Variants in SLC25A48 observed in about 807,000 individuals in gnomAD.
SLC25A48 encodes solute carrier family 25 member 48.
SLC25A48 carries 29 observed loss-of-function variants against 32.2 expected under a neutral mutation model. The observed-to-expected ratio is 0.90, with a 90% CI of 0.67 to 1.23. The LOEUF (loss-of-function observed/expected upper bound fraction) is 1.23. Ranked by LOEUF, SLC25A48 falls within the 50% of genes most tolerant of loss-of-function variation. SLC25A48 has a pLI of 0.00. For missense variants in SLC25A48, 399 were observed against 422.7 expected, an observed-to-expected ratio of 0.94 and a Z score of 0.49; for synonymous variants, 164 against 172.3, an observed-to-expected ratio of 0.95 and a Z score of 0.38.
At chr5:135,652,607 A>G (rs1753142996) in intron 3 of SLC25A48, 1 of 363,390 alleles carries the variant, frequency 2.8e-6, no homozygotes, top group Non-Finnish European at 5.4e-6. Context: ...TTTGGGATTA[A>G]ACACCCTGAA....
At chr5:135,799,427 G>T (rs983049322) in intron 3 of SLC25A48, among the ~76,000 whole-genome samples, 1 of 151,236 alleles carries the variant, frequency 6.6e-6, no homozygotes, top group African/African-American at 2.4e-5. Context: ...ATGCCCGGTG[G>T]GGGGAGAAGA....
chr5:135,718,681 ACT>A (rs912375778), intron 3 of SLC25A48, among the ~76,000 whole-genome samples: 1 of 152,120 alleles, frequency 6.6e-6, no homozygotes, highest in Non-Finnish European at 1.5e-5. Context: ...AAAAGAACAA[ACT>A]CTTCATACAT....
At position 135,748,908 on chromosome 5, in the gene SLC25A48, G is replaced by A. The variant is rs191193849; in HGVS notation, c.-520-63615G>A. ...TAATTTTTGTGTTTTTAGTAGAGAC[G>A]GGGTTTCGCCATGTTGGTTAGGCTG... On this transcript the variant is annotated intron_variant, in intron 3 of 10. Transcript: ENST00000646290. Among the ~76,000 whole-genome samples, 910 of 150,978 alleles carry A rather than the reference G, an allele frequency of 6.0e-3. 14 individuals are homozygous for A. Among genetic ancestry groups the A allele is most frequent in the African/African-American group, 0.021 (865 of 41,068 alleles).
intron 3 of SLC25A48, among the ~76,000 whole-genome samples, chr5:135,669,186 T>G (rs1245534960): frequency 6.6e-6 from 1 of 152,104 alleles, no homozygotes; most frequent in Non-Finnish European, 1.5e-5. Flanking sequence ...AACATGGCCT[T>G]CAAAGAACCT....
intron 1 of SLC25A48, among the ~76,000 whole-genome samples, chr5:135,836,792 A>T (rs147558685): frequency 2.4e-4 from 37 of 152,334 alleles, no homozygotes; most frequent in African/African-American, 6.7e-4. Context: ...ACAGATGAGG[A>T]AACTGAGATA....
intron 3 of SLC25A48, among the ~76,000 whole-genome samples, chr5:135,794,301 A>T (rs982065534): frequency 6.6e-6 from 1 of 151,314 alleles, no homozygotes; most frequent in Non-Finnish European, 1.5e-5. Context: ...ATATTGTTCC[A>T]AATATCCAGG....
At chr5:135,879,753 G>A (rs9688018) in intron 6 of SLC25A48, among the ~76,000 whole-genome samples, 8,539 of 152,220 alleles carry the variant, frequency 0.056, 547 homozygotes, top group African/African-American at 0.15. Context: ...ATGTGTATCA[G>A]GGTCTGGGAG....
intron 3 of SLC25A48, among the ~76,000 whole-genome samples, chr5:135,776,503 G>A (rs1580866896): frequency 6.6e-6 from 1 of 151,872 alleles, no homozygotes; most frequent in Non-Finnish European, 1.5e-5. Flanking sequence ...CTAATATCCA[G>A]GGGGGAAGAA....
rs531369258 is a variant in SLC25A48 at position 135,607,336 on chromosome 5, A to G, written c.-848-21901A>G. Among the ~76,000 whole-genome samples, 35 of 152,368 alleles carry G rather than the reference A, an allele frequency of 2.3e-4. 1 individual carries two copies. The highest frequency in any genetic ancestry group is 8.2e-4 in the African/African-American group (34 of 41,596). On this transcript the variant is annotated intron_variant, in intron 1 of 10. Coordinates refer to the SLC25A48 transcript ENST00000646290. ...TATAAATACAGCTGATCTCCAATCA[A>G]GGAGACCAACTCATTTCCATGCATG...
chr5:135,880,123 T>C (rs1422138745), intron 7 of SLC25A48, 26 bp downstream of exon 7: 10 of 1,515,034 alleles, frequency 6.6e-6, no homozygotes, highest in Non-Finnish European at 8.8e-6. Flanking sequence ...TCCTGGCCAA[T>C]TGTGCCTCCC....
chr5:135,612,771 G>A (rs1752102493), intron 1 of SLC25A48, among the ~76,000 whole-genome samples: 4 of 152,056 alleles, frequency 2.6e-5, no homozygotes, highest in African/African-American at 9.7e-5. Flanking sequence ...TGCATTTGTG[G>A]TTTATGCATA....
At chr5:135,864,173 A>G (rs1761018344) in intron 4 of SLC25A48, among the ~76,000 whole-genome samples, 1 of 152,180 alleles carries the variant, frequency 6.6e-6, no homozygotes, top group Non-Finnish European at 1.5e-5. Context: ...GAGCCCAAGA[A>G]TCTGCATGGT....
intron 2 of SLC25A48, among the ~76,000 whole-genome samples, chr5:135,844,516 G>A (rs1462331855): frequency 6.6e-6 from 1 of 152,184 alleles, no homozygotes; most frequent in South Asian, 2.1e-4. Flanking sequence ...AACCACGCAG[G>A]CTCTAGGTGT....
intron 1 of SLC25A48, among the ~76,000 whole-genome samples, chr5:135,592,048 C>G (rs1016259459): frequency 1.3e-5 from 2 of 152,164 alleles, no homozygotes; most frequent in African/African-American, 4.8e-5. Flanking sequence ...TCAAAGAGAA[C>G]CAGCTCTGCT....
intron 1 of SLC25A48, among the ~76,000 whole-genome samples, chr5:135,624,728 C>T (rs552945734): frequency 1.3e-5 from 2 of 152,248 alleles, no homozygotes; most frequent in South Asian, 2.1e-4. Flanking sequence ...GTTTGAAGCG[C>T]GTTTGAGTCT....
At chr5:135,764,342 A>G (rs924165252) in intron 3 of SLC25A48, among the ~76,000 whole-genome samples, 2 of 151,864 alleles carry the variant, frequency 1.3e-5, no homozygotes, top group Non-Finnish European at 2.9e-5. Flanking sequence ...GATATGGTTC[A>G]TAATATCCAG....
chr5:135,770,286 C>A (rs1228160742), intron 3 of SLC25A48, among the ~76,000 whole-genome samples: 2 of 151,522 alleles, frequency 1.3e-5, no homozygotes, highest in African/African-American at 4.8e-5. Context: ...GGGGTAAACC[C>A]CCTCTATGAT....
At chr5:135,669,610 T>C in intron 3 of SLC25A48, among the ~76,000 whole-genome samples, 1 of 152,146 alleles carries the variant, frequency 6.6e-6, no homozygotes, top group East Asian at 1.9e-4. Flanking sequence ...ATGCCCACCA[T>C]CTGTCATTAG....
At chr5:135,733,340 A>G (rs1287255812) in intron 3 of SLC25A48, among the ~76,000 whole-genome samples, 1 of 152,200 alleles carries the variant, frequency 6.6e-6, no homozygotes, top group East Asian at 1.9e-4. Flanking sequence ...GGTGAACGTC[A>G]GGTGGACCAG....
Sources: allele counts gnomAD v4.1 joint callset (sites outside exome capture counted in the v4.1 genomes callset), GRCh38; gene constraint gnomAD v4.1.1; transcripts MANE v1.5; gene names NCBI Gene and HGNC (gene_info 2026-07-23, HGNC 2026-07-21).